The following FAM118B variants were observed in gnomAD, a reference collection of about 807,000 sequenced individuals.
The protein encoded by FAM118B is protein FAM118B.
Under a neutral mutation model 38.5 loss-of-function variants are expected in FAM118B, and 24 were observed. The observed-to-expected ratio is 0.62, with a 90% CI of 0.45 to 0.88. FAM118B has a LOEUF of 0.88. FAM118B is among the 40% of genes least tolerant of loss of function. FAM118B has a pLI of 0.00. For missense variants in FAM118B, 334 were observed against 420.0 expected (o/e 0.80, Z 1.79); for synonymous variants, 138 against 156.3 (o/e 0.88, Z 0.87).
At chr11:126,241,418 T>A in intron 4 of FAM118B, 1 of 173,464 alleles carries the variant, frequency 5.8e-6, no homozygotes, top group Non-Finnish European at 1.2e-5. Flanking sequence ...ATTTTATACA[T>A]GAAACAAAAC....
intron 2 of FAM118B, among the ~76,000 whole-genome samples, chr11:126,234,646 T>C (rs1950248429): frequency 6.6e-6 from 1 of 152,222 alleles, no homozygotes; most frequent in Admixed American, 6.5e-5. Flanking sequence ...CAAACCCATC[T>C]TGTGGGAGAA....
At chr11:126,214,534 A>G (rs1466287693) in intron 1 of FAM118B, 4 of 53,208 alleles carry the variant, frequency 7.5e-5, no homozygotes, top group Non-Finnish European at 1.5e-4. Context: ...TTTTACCTCT[A>G]TATTGCCTCC....
intron 4 of FAM118B, among the ~76,000 whole-genome samples, chr11:126,248,054 G>A (rs561228932): frequency 2.4e-4 from 36 of 150,652 alleles, no homozygotes; most frequent in Admixed American, 8.6e-4. Flanking sequence ...GATGAATCAG[G>A]AGAATCACCT....
intron 3 of FAM118B, among the ~76,000 whole-genome samples, chr11:126,236,442 A>C (rs917276428): frequency 7.9e-5 from 12 of 152,082 alleles, no homozygotes; most frequent in African/African-American, 2.4e-4. Context: ...TTTGTATTGT[A>C]TGACCTCTTT....
intron 1 of FAM118B, among the ~76,000 whole-genome samples, chr11:126,226,836 G>A (rs1950148221): frequency 6.6e-6 from 1 of 151,712 alleles, no homozygotes; most frequent in African/African-American, 2.4e-5. Context: ...AGCCAGGCAT[G>A]GTGATATGCG....
At chr11:126,214,925 T>A (rs1949959192) in intron 1 of FAM118B, among the ~76,000 whole-genome samples, 1 of 152,226 alleles carries the variant, frequency 6.6e-6, no homozygotes, top group Admixed American at 6.5e-5. Flanking sequence ...ATTAGTGGTA[T>A]AAAGTTAAGT....
intron 7 of FAM118B, among the ~76,000 whole-genome samples, chr11:126,258,111 A>C (rs1371057912): frequency 6.6e-6 from 1 of 152,192 alleles, no homozygotes; most frequent in East Asian, 1.9e-4. Context: ...GCATCTTAGG[A>C]GGGCAAAAGT....
chr11:126,261,564 G>A (rs1950699963), intron 8 of FAM118B, 80 bp downstream of exon 8: 1 of 1,244,758 alleles, frequency 8.0e-7, no homozygotes, highest in Non-Finnish European at 1.2e-6. Flanking sequence ...TATAGAGAAT[G>A]TTACTTTGGA....
intron 3 of FAM118B, among the ~76,000 whole-genome samples, chr11:126,237,330 C>G (rs1950289537): frequency 6.9e-6 from 1 of 144,402 alleles, no homozygotes; most frequent in Non-Finnish European, 1.5e-5. Context: ...AAGCAATTCT[C>G]CTGCCTCAGC....
chr11:126,225,156 C>T (rs752246414), intron 1 of FAM118B, among the ~76,000 whole-genome samples: 6 of 152,128 alleles, frequency 3.9e-5, no homozygotes, highest in African/African-American at 7.2e-5. Flanking sequence ...AGAGAGGCAG[C>T]GATTGTGGGC....
In FAM118B at chr11:126,255,431, C is replaced by G. The variant is rs2135211475; in HGVS notation, c.696+998C>G. ...CAACATCTGCCATAACTGCATCCAT[C>G]TCTGACATTGAGTGATCCCTTAGGC... On this transcript the variant is annotated intron_variant, in intron 6 of 8. Transcript: ENST00000533050. The surrounding 1 kb of genome is among the most constrained non-coding windows in gnomAD (Gnocchi z 4.6). Among the ~76,000 whole-genome samples the G allele has an allele frequency of 6.6e-6, 1 of 152,248 alleles. No homozygotes were observed. The highest frequency in any genetic ancestry group is 1.9e-4 in the East Asian group (1 of 5,188).
intron 1 of FAM118B, among the ~76,000 whole-genome samples, chr11:126,228,973 A>G (rs1001798960): frequency 9.2e-5 from 14 of 152,242 alleles, no homozygotes; most frequent in African/African-American, 3.4e-4. Context: ...CTGTTGACAT[A>G]AAAGTAAGCT....
chr11:126,223,426 A>G (rs1006498619), intron 1 of FAM118B, among the ~76,000 whole-genome samples: 1 of 151,678 alleles, frequency 6.6e-6, no homozygotes, highest in Non-Finnish European at 1.5e-5. Flanking sequence ...GTGAAACCCC[A>G]TCTCTACTAA....
intron 1 of FAM118B, 82 bp downstream of exon 1, chr11:126,211,912 C>T (rs141727702): frequency 2.0e-6 from 1 of 489,856 alleles, no homozygotes; most frequent in Non-Finnish European, 3.6e-6. Context: ...CCCGGGATTT[C>T]CGTTCAAGAA....
intron 1 of FAM118B, chr11:126,214,514 G>GTTTTTTTTTTTTTTTTTTTT (rs71048770): frequency 4.3e-4 from 18 of 41,484 alleles, no homozygotes; most frequent in Non-Finnish European, 7.4e-4. Context: ...TTTTTTTTTT[G>GTTTTTTTTTTTTTTTTTTTT]TTTTTTTTTT....
chr11:126,223,388 G>A (rs370370146), intron 1 of FAM118B, among the ~76,000 whole-genome samples: 96 of 152,068 alleles, frequency 6.3e-4, no homozygotes, highest in African/African-American at 2.2e-3. Flanking sequence ...TCACGAGTCA[G>A]GAGATCAAAA....
rs550097696 is a variant in FAM118B at position 126,252,481 on chromosome 11, C to T, written c.567+1748C>T. Among the ~76,000 whole-genome samples, 1 of 152,248 alleles carries T rather than the reference C, an allele frequency of 6.6e-6. No homozygotes were observed. The highest frequency in any genetic ancestry group is 2.4e-5 in the African/African-American group (1 of 41,532). On this transcript the variant is annotated intron_variant, in intron 5 of 8. Coordinates refer to ENST00000533050, the MANE Select transcript of FAM118B (RefSeq NM_024556.4). This position sits in a 1 kb window ranked among gnomAD's most constrained non-coding sequence, Gnocchi z 4.7. ...AATGATTGGGCTGGGCACAGCAGCT[C>T]AGGCCTGTAACCCCAGCACTTTGGG...
chr11:126,219,437 C>T (rs1407395556), intron 1 of FAM118B, among the ~76,000 whole-genome samples: 1 of 133,910 alleles, frequency 7.5e-6, no homozygotes. Context: ...GATCATGACT[C>T]ACTGCAGCCT....
intron 4 of FAM118B, among the ~76,000 whole-genome samples, chr11:126,248,770 C>T (rs766582814): frequency 1.3e-5 from 2 of 152,206 alleles, no homozygotes; most frequent in African/African-American, 2.4e-5. Flanking sequence ...GACTTAATCA[C>T]GTCTTACTAG....
Sources: allele counts gnomAD v4.1 joint callset (sites outside exome capture counted in the v4.1 genomes callset), GRCh38; gene constraint gnomAD v4.1.1; non-coding constraint Gnocchi (gnomAD v3.1); transcripts MANE v1.5; gene names NCBI Gene and HGNC (gene_info 2026-07-23, HGNC 2026-07-21).